Variants in TNFSF4 observed in about 807,000 individuals in gnomAD.
TNFSF4 encodes tumor necrosis factor ligand superfamily member 4.
Under a neutral mutation model 7.3 loss-of-function variants are expected in TNFSF4, and 4 were observed. That is an observed-to-expected ratio of 0.55 (90% CI 0.27 to 1.25). The LOEUF (loss-of-function observed/expected upper bound fraction) is 1.25, where lower values mean the gene tolerates loss of function less well. Among genes scored for constraint, TNFSF4 ranks in the 50% most tolerant of loss-of-function variants. The probability of loss-of-function intolerance (pLI) is 0.12; values close to 1 mark genes in which losing one functional copy is unlikely to be tolerated. For missense variants in TNFSF4, 181 were observed against 208.8 expected (o/e 0.87, Z 0.82); for synonymous variants, 76 against 83.7 (o/e 0.91, Z 0.50).
chr1:173,407,412 T>G, the TNFSF4 span, among the ~76,000 whole-genome samples: 8 of 151,444 alleles, frequency 5.3e-5, no homozygotes, highest in Middle Eastern at 3.4e-3. Context: ...GTATAAAAAT[T>G]TGTCGGGTGT....
the TNFSF4 span, among the ~76,000 whole-genome samples, chr1:173,212,813 C>T: frequency 4.0e-5 from 6 of 151,644 alleles, no homozygotes; most frequent in Non-Finnish European, 8.8e-5. Context: ...ATACATATAC[C>T]TACTATGTAT....
chr1:173,393,594 G>A, the TNFSF4 span, among the ~76,000 whole-genome samples: 3 of 152,202 alleles, frequency 2.0e-5, no homozygotes, highest in Admixed American at 1.3e-4. Flanking sequence ...ACACTTTGGT[G>A]TAAAGTTCTG....
At chr1:173,176,063 T>C in the TNFSF4 span, among the ~76,000 whole-genome samples, 2 of 152,212 alleles carry the variant, frequency 1.3e-5, no homozygotes, top group African/African-American at 4.8e-5. Context: ...AGCTTCCTTA[T>C]ATCCTATACA....
Position 173,183,953 on chromosome 1 carries a change from A to T in TNFSF4, c.*2563T>A, listed in dbSNP as rs1043466315. On this transcript the variant is annotated 3_prime_UTR_variant, in exon 3 of 3. Transcript: ENST00000281834. ...TCTCTAAATAGAAAATATCTAACTA[A>T]CAATTGATAACTGCTCTTGAAGGAC... The T allele has an allele frequency of 2.6e-5, 4 of 152,204 alleles. No individual in the cohort carries two copies. Among genetic ancestry groups the T allele is most frequent in the Admixed American group, 1.3e-4 (2 of 15,276 alleles). The allele number at this position is 152,204 out of a possible 1,614,324, so 9.4% of individuals were successfully genotyped here.
chr1:173,322,691 T>A, the TNFSF4 span, among the ~76,000 whole-genome samples: 1 of 152,076 alleles, frequency 6.6e-6, no homozygotes, highest in East Asian at 1.9e-4. Flanking sequence ...CCCACCCTAA[T>A]ACTGCACTTT....
the TNFSF4 span, among the ~76,000 whole-genome samples, chr1:173,445,997 G>T: frequency 6.6e-6 from 1 of 152,172 alleles, no homozygotes; most frequent in African/African-American, 2.4e-5. Context: ...CAAATCTCTT[G>T]AGGATTTTAA....
the TNFSF4 span, among the ~76,000 whole-genome samples, chr1:173,366,514 T>C: frequency 0.63 from 96,353 of 151,858 alleles, 30,728 homozygotes; most frequent in Admixed American, 0.69. Flanking sequence ...GGATGGTTAA[T>C]GGGTACAAAA....
At chr1:173,215,020 G>A in the TNFSF4 span, among the ~76,000 whole-genome samples, 2 of 152,076 alleles carry the variant, frequency 1.3e-5, no homozygotes, top group African/African-American at 4.8e-5. Context: ...ATATGTTGAA[G>A]CCCTACCTCC....
the TNFSF4 span, among the ~76,000 whole-genome samples, chr1:173,256,321 T>C: frequency 5.3e-5 from 8 of 152,150 alleles, no homozygotes; most frequent in South Asian, 8.3e-4. Flanking sequence ...GATCAAGATG[T>C]CAGCTGATTT....
the TNFSF4 span, among the ~76,000 whole-genome samples, chr1:173,306,127 AAGG>A: frequency 0.027 from 4,143 of 151,982 alleles, 110 homozygotes; most frequent in East Asian, 0.13. Flanking sequence ...TCATAATTGG[AAGG>A]AGATTTTTTC....
At chr1:173,285,884 A>G in the TNFSF4 span, among the ~76,000 whole-genome samples, 2 of 152,190 alleles carry the variant, frequency 1.3e-5, no homozygotes, top group East Asian at 1.9e-4. Flanking sequence ...TGAACTTACC[A>G]TATCTTTGAG....
chr1:173,246,270 T>C, the TNFSF4 span, among the ~76,000 whole-genome samples: 1 of 152,156 alleles, frequency 6.6e-6, no homozygotes, highest in African/African-American at 2.4e-5. Context: ...AAGCCCCATA[T>C]GCATTAGGTA....
At chr1:173,334,601 G>A in the TNFSF4 span, among the ~76,000 whole-genome samples, 1 of 152,214 alleles carries the variant, frequency 6.6e-6, no homozygotes, top group Non-Finnish European at 1.5e-5. Flanking sequence ...GCTGTCTACT[G>A]TTAAAATGAT....
rs964463901 is a variant in TNFSF4 at position 173,185,135 on chromosome 1, G to A, written c.*1381C>T. 1 of 152,208 alleles carries A rather than the reference G, an allele frequency of 6.6e-6. No homozygotes were observed. Among genetic ancestry groups the A allele is most frequent in the Non-Finnish European group, 1.5e-5 (1 of 68,032 alleles). 9.4% of individuals were successfully genotyped at this position (152,208 alleles called of 1,614,324 possible). A position where few individuals can be genotyped will look rare whatever the true frequency, so the allele number is the denominator to read the frequency against. ...TTCCTTGATAACACAGAATCATCCA[G>A]AAAGATTCTGTGATGTTGTATCCTC... On this transcript the variant is annotated 3_prime_UTR_variant, in exon 3 of 3. Coordinates refer to ENST00000281834, the MANE Select transcript of TNFSF4 (RefSeq NM_003326.5).
At chr1:173,355,440 A>G in the TNFSF4 span, among the ~76,000 whole-genome samples, 11 of 152,170 alleles carry the variant, frequency 7.2e-5, no homozygotes, top group Non-Finnish European at 1.6e-4. Context: ...GACGTACAAC[A>G]ATAACACTTG....
the TNFSF4 span, among the ~76,000 whole-genome samples, chr1:173,273,465 T>C: frequency 6.6e-6 from 1 of 152,156 alleles, no homozygotes; most frequent in African/African-American, 2.4e-5. Context: ...CTACATTTTC[T>C]ATGAACTTTT....
At chr1:173,274,110 C>T in the TNFSF4 span, among the ~76,000 whole-genome samples, 10 of 138,188 alleles carry the variant, frequency 7.2e-5, no homozygotes, top group African/African-American at 2.6e-4. Flanking sequence ...GGTGTCCCTG[C>T]TTCTCCATGT....
chr1:173,406,758 T>G, the TNFSF4 span, among the ~76,000 whole-genome samples: 2 of 152,216 alleles, frequency 1.3e-5, no homozygotes, highest in African/African-American at 4.8e-5. Flanking sequence ...TCCTGCCTCC[T>G]GTCCTGAATG....
At chr1:173,202,031 G>A (rs1004545186) in intron 1 of TNFSF4, among the ~76,000 whole-genome samples, 3 of 150,464 alleles carry the variant, frequency 2.0e-5, no homozygotes, top group African/African-American at 7.4e-5. Flanking sequence ...TGTCATTTGA[G>A]AGAGAAGTAA....
Sources: allele counts gnomAD v4.1 joint callset (sites outside exome capture counted in the v4.1 genomes callset), GRCh38; gene constraint gnomAD v4.1.1; transcripts MANE v1.5; gene names NCBI Gene and HGNC (gene_info 2026-07-23, HGNC 2026-07-21).